Variants in PRKAR1A observed in about 807,000 individuals in gnomAD.
The protein encoded by PRKAR1A is protein kinase cAMP-dependent type I regulatory subunit alpha, also known as cAMP-dependent protein kinase type I-alpha regulatory subunit.
PRKAR1A carries 3 observed loss-of-function variants against 52.0 expected under a neutral mutation model. That is an observed-to-expected ratio of 0.06 (90% CI 0.03 to 0.15). PRKAR1A has a LOEUF of 0.15. Among genes scored for constraint, PRKAR1A ranks in the 10% least tolerant of loss-of-function variants. The pLI, the probability that PRKAR1A is intolerant of heterozygous loss-of-function variation, is 1.00. For missense variants in PRKAR1A, 240 were observed against 477.4 expected, an observed-to-expected ratio of 0.50 and a Z score of 4.63; for synonymous variants, 188 against 168.4, an observed-to-expected ratio of 1.12 and a Z score of -0.90.
In PRKAR1A at chr17:68,540,530, CTT is replaced by C. The variant is rs541111198; in HGVS notation, c.973+10531_973+10532del. Reference sequence around the variant, plus strand: ...GCCCTCCCTGCTACATATTTGTGTACTTTCTTCCCTTCCTACCTGGTTTCCCC... The same window carrying C: ...GCCCTCCCTGCTACATATTTGTGTACTCTTCCCTTCCTACCTGGTTTCCCC... On this transcript the variant is annotated intron_variant, in intron 11 of 11. Coordinates refer to the PRKAR1A transcript ENST00000585981. 834 of 493,590 alleles carry C rather than the reference CTT, an allele frequency of 1.7e-3. 14 individuals are homozygous for C. Among genetic ancestry groups the C allele is most frequent in the Non-Finnish European group, 5.1e-4 (129 of 251,982 alleles). The allele number at this position is 493,590 out of a possible 1,614,324, so 30.6% of individuals were successfully genotyped here. A position where few individuals can be genotyped will look rare whatever the true frequency, so the allele number is the denominator to read the frequency against.
the PRKAR1A span, among the ~76,000 whole-genome samples, chr17:68,491,000 T>A: frequency 7.2e-5 from 11 of 152,094 alleles, no homozygotes; most frequent in African/African-American, 2.7e-4. Context: ...GTCCTATGGG[T>A]CTCCTGTGCC....
At chr17:68,487,123 C>T in the PRKAR1A span, among the ~76,000 whole-genome samples, 2 of 152,122 alleles carry the variant, frequency 1.3e-5, no homozygotes, top group Admixed American at 6.5e-5. Context: ...CCGCCCGCCT[C>T]GGCCTCCCAA....
intron 2 of PRKAR1A, among the ~76,000 whole-genome samples, chr17:68,518,079 C>T (rs1252900005): frequency 6.6e-6 from 1 of 152,240 alleles, no homozygotes; most frequent in African/African-American, 2.4e-5. Flanking sequence ...GGTGGGCTCC[C>T]GTGGCCTTGG....
At chr17:68,535,187 A>C (rs1263364989), downstream of PRKAR1A, 1 of 438,422 alleles carries the variant, frequency 2.3e-6, no homozygotes, top group African/African-American at 2.0e-5. Context: ...GAACTCGAGT[A>C]AGAATGAAAC....
the PRKAR1A span, among the ~76,000 whole-genome samples, chr17:68,501,046 T>C: frequency 1.3e-5 from 2 of 152,232 alleles, no homozygotes; most frequent in African/African-American, 4.8e-5. Flanking sequence ...TCTCATCTCT[T>C]ACTGGTTGGT....
the PRKAR1A span, among the ~76,000 whole-genome samples, chr17:68,487,239 CAA>C: frequency 1.3e-5 from 2 of 152,110 alleles, no homozygotes; most frequent in African/African-American, 4.8e-5. Flanking sequence ...AGGGAAATCT[CAA>C]AGTATGGTTT....
the PRKAR1A span, among the ~76,000 whole-genome samples, chr17:68,505,135 C>T: frequency 6.6e-6 from 1 of 151,926 alleles, no homozygotes; most frequent in East Asian, 1.9e-4. Flanking sequence ...TTTCTACCCC[C>T]CAAAATACAA....
the PRKAR1A span, among the ~76,000 whole-genome samples, chr17:68,480,874 G>T: frequency 8.9e-4 from 135 of 152,328 alleles, no homozygotes; most frequent in Middle Eastern, 6.8e-3. Context: ...TGAGCTACTG[G>T]ATAATTTTCT....
At chr17:68,526,091 TATTC>T (rs1258195889) in intron 7 of PRKAR1A, among the ~76,000 whole-genome samples, 179 bp downstream of exon 7, 1 of 152,236 alleles carries the variant, frequency 6.6e-6, no homozygotes, top group Non-Finnish European at 1.5e-5. Flanking sequence ...AGCTTAGCAT[TATTC>T]ATTATGCCAT....
the PRKAR1A span, among the ~76,000 whole-genome samples, chr17:68,426,816 T>C: frequency 3.9e-5 from 6 of 152,190 alleles, no homozygotes; most frequent in Non-Finnish European, 8.8e-5. Flanking sequence ...ATTACAGGTG[T>C]GAGCCAATGT....
At chr17:68,518,509 G>A (rs2085501382) in intron 2 of PRKAR1A, among the ~76,000 whole-genome samples, 1 of 152,200 alleles carries the variant, frequency 6.6e-6, no homozygotes, top group South Asian at 2.1e-4. Context: ...CTGAAGTAAT[G>A]GCCAGAGCTG....
the PRKAR1A span, among the ~76,000 whole-genome samples, chr17:68,415,216 G>A: frequency 6.6e-6 from 1 of 152,084 alleles, no homozygotes; most frequent in Non-Finnish European, 1.5e-5. Flanking sequence ...GTTTTGATAG[G>A]TTGTGTCACT....
chr17:68,480,062 T>G, the PRKAR1A span, among the ~76,000 whole-genome samples: 3 of 152,172 alleles, frequency 2.0e-5, no homozygotes, highest in African/African-American at 7.2e-5. Flanking sequence ...AAACTACAAC[T>G]CAAGATGAGA....
At chr17:68,495,971 CCTCTCTCCTCTCCTCTCCTCTCCTCTCCT>C in the PRKAR1A span, among the ~76,000 whole-genome samples, 6 of 36,328 alleles carry the variant, frequency 1.7e-4, no homozygotes, top group East Asian at 4.1e-3. Context: ...TCTCTCCTCT[CCTCTCTCCTCTCCTCTCCTCTCCTCTCCT>C]CCCCTCCCCT....
At chr17:68,534,046 G>A (rs1309723645), downstream of PRKAR1A, among the ~76,000 whole-genome samples, 1 of 152,128 alleles carries the variant, frequency 6.6e-6, no homozygotes, top group African/African-American at 2.4e-5. Context: ...TATTATAATA[G>A]CTATCAGTAA....
In PRKAR1A at chr17:68,525,540, T is replaced by C. The variant is rs2085762588; in HGVS notation, c.550-214T>C. ...ATCCTTACAGAGTGCTTTTTTCTTATCAGATAATTAAATCAGGTAAATTAT... is the reference window on the plus strand; with the variant it reads ...ATCCTTACAGAGTGCTTTTTTCTTACCAGATAATTAAATCAGGTAAATTAT... On this transcript the variant is annotated intron_variant, in intron 6 of 10. Transcript: ENST00000589228. Among the ~76,000 whole-genome samples the C allele has an allele frequency of 1.3e-5, 2 of 152,170 alleles. 1 individual carries two copies. Among genetic ancestry groups the C allele is most frequent in the African/African-American group, 4.8e-5 (2 of 41,434 alleles).
At chr17:68,540,691 T>G (rs931250201) in intron 11 of PRKAR1A, 1 of 902,452 alleles carries the variant, frequency 1.1e-6, no homozygotes, top group African/African-American at 1.6e-5. Context: ...GCCTGTTACC[T>G]TCTGTCCTCT....
chr17:68,421,851 C>T, the PRKAR1A span: 3 of 1,614,072 alleles, frequency 1.9e-6, no homozygotes, highest in Admixed American at 1.7e-5. Context: ...TGGCCTTACT[C>T]TTCTCAGGAA....
chr17:68,544,916 G>C (rs1281090776), intron 11 of PRKAR1A, among the ~76,000 whole-genome samples: 1 of 152,074 alleles, frequency 6.6e-6, no homozygotes, highest in Non-Finnish European at 1.5e-5. Flanking sequence ...TAAATTCAAA[G>C]GTTGTTTTTA....
Sources: gnomAD v4.1 joint callset for allele counts (sites outside exome capture counted in the v4.1 genomes callset) on GRCh38, gnomAD v4.1.1 for gene constraint, MANE v1.5 for transcripts, NCBI Gene and HGNC (gene_info 2026-07-23, HGNC 2026-07-21) for gene names.